GRIN2A: variants seen among roughly 807,000 people sequenced by gnomAD.
GRIN2A encodes the protein glutamate receptor ionotropic, NMDA 2A.
GRIN2A carries 22 observed loss-of-function variants against 113.4 expected under a neutral mutation model. The ratio of observed to expected loss-of-function variants is 0.19; its 90% confidence interval spans 0.14 to 0.28. GRIN2A has a LOEUF of 0.28. Ranked by LOEUF, GRIN2A falls within the 10% of genes least tolerant of loss-of-function variation. GRIN2A has a pLI of 1.00. For missense variants in GRIN2A, 1,502 were observed against 1,887.0 expected, an observed-to-expected ratio of 0.80 and a Z score of 3.78; for synonymous variants, 827 against 738.4, an observed-to-expected ratio of 1.12 and a Z score of -1.94.
At chr16:9,810,313 T>C (rs1014705294) in intron 10 of GRIN2A, among the ~76,000 whole-genome samples, 1 of 152,156 alleles carries the variant, frequency 6.6e-6, no homozygotes, top group Admixed American at 6.5e-5. Context: ...CCAAGACACC[T>C]GAGGACAGCC....
chr16:10,033,336 C>A (rs1480116270), intron 2 of GRIN2A, among the ~76,000 whole-genome samples: 3 of 152,088 alleles, frequency 2.0e-5, no homozygotes, highest in African/African-American at 4.8e-5. Context: ...ACTCAGGATA[C>A]CAAGGTAAAC....
At chr16:9,933,584 A>C (rs1321373574) in intron 3 of GRIN2A, among the ~76,000 whole-genome samples, 1 of 152,212 alleles carries the variant, frequency 6.6e-6, no homozygotes, top group Non-Finnish European at 1.5e-5. Flanking sequence ...GTAAGACCTT[A>C]ATCCAGCTGC....
intron 4 of GRIN2A, among the ~76,000 whole-genome samples, chr16:9,865,322 A>G (rs2043144324): frequency 6.6e-6 from 1 of 152,136 alleles, no homozygotes; most frequent in South Asian, 2.1e-4. Flanking sequence ...ACCCAAACCA[A>G]TTATCCCCAT....
chr16:9,804,775 C>T (rs915105820), intron 10 of GRIN2A, among the ~76,000 whole-genome samples: 1 of 152,180 alleles, frequency 6.6e-6, no homozygotes, highest in African/African-American at 2.4e-5. Context: ...ACATGACAGG[C>T]TCACCCCCTG....
At chr16:10,108,269 G>C (rs1009729825) in intron 2 of GRIN2A, among the ~76,000 whole-genome samples, 2 of 152,216 alleles carry the variant, frequency 1.3e-5, no homozygotes, top group Non-Finnish European at 2.9e-5. Flanking sequence ...CAGAGAGCTT[G>C]TGCAGGAGAA....
chr16:9,835,011 C>T (rs2042562847), intron 7 of GRIN2A, among the ~76,000 whole-genome samples: 1 of 152,066 alleles, frequency 6.6e-6, no homozygotes, highest in African/African-American at 2.4e-5. Flanking sequence ...AGATGATATG[C>T]AGGGAATTCC....
intron 2 of GRIN2A, among the ~76,000 whole-genome samples, chr16:10,092,438 G>A (rs56996739): frequency 6.6e-6 from 1 of 152,134 alleles, no homozygotes; most frequent in Admixed American, 6.5e-5. Flanking sequence ...AGAGGTCTGA[G>A]GGTGCAGTGG....
intron 7 of GRIN2A, among the ~76,000 whole-genome samples, chr16:9,838,312 A>G (rs2141335432): frequency 6.6e-6 from 1 of 152,328 alleles, no homozygotes; most frequent in African/African-American, 2.4e-5. Context: ...ACCCAAAGGA[A>G]AAGAAGTTAT....
intron 2 of GRIN2A, among the ~76,000 whole-genome samples, chr16:10,020,381 A>G (rs190657756): frequency 2.0e-5 from 3 of 152,296 alleles, no homozygotes; most frequent in Admixed American, 6.5e-5. Flanking sequence ...CCTAACCTAC[A>G]TTATTTTTCC....
intron 4 of GRIN2A, among the ~76,000 whole-genome samples, chr16:9,864,550 A>C (rs1161330834): frequency 1.3e-5 from 2 of 152,194 alleles, no homozygotes; most frequent in East Asian, 3.8e-4. Flanking sequence ...ACGAGACTTC[A>C]ATGCATCAAA....
rs147303222 is a variant in GRIN2A at position 10,003,639 on chromosome 16, C to T, written c.415-65088G>A. Among the ~76,000 whole-genome samples, 17 of 152,262 alleles carry T rather than the reference C, an allele frequency of 1.1e-4. 1 individual carries two copies. The South Asian group carries it at 1.2e-3, about 11-fold the overall frequency. ...TTAGCAATGAGACTCCCACTTTATA[C>T]GAATGACATGAGAATGAGTAAAACC... On this transcript the variant is annotated intron_variant, in intron 2 of 12. Transcript: ENST00000330684.
intron 4 of GRIN2A, 139 bp from the exon 5 acceptor site, chr16:9,850,100 G>C: frequency 1.3e-6 from 1 of 752,012 alleles, no homozygotes; most frequent in South Asian, 1.5e-5. Flanking sequence ...ATCTACTTCT[G>C]TGCTAAGACA....
intron 2 of GRIN2A, among the ~76,000 whole-genome samples, chr16:10,120,957 T>C (rs1162655321): frequency 6.6e-6 from 1 of 152,114 alleles, no homozygotes; most frequent in African/African-American, 2.4e-5. Context: ...TTTCAGCCCC[T>C]GTATCCACGA....
chr16:10,072,429 C>G (rs2047772361), intron 2 of GRIN2A, among the ~76,000 whole-genome samples: 1 of 152,222 alleles, frequency 6.6e-6, no homozygotes, highest in Non-Finnish European at 1.5e-5. Context: ...GCTTTGGCTG[C>G]AATTTGGAAG....
intron 2 of GRIN2A, among the ~76,000 whole-genome samples, chr16:10,137,402 T>A (rs973316480): frequency 2.0e-5 from 3 of 152,180 alleles, no homozygotes; most frequent in Admixed American, 1.3e-4. Flanking sequence ...GGTGTTCCTA[T>A]TTTCTCCATC....
At chr16:10,173,614 A>G (rs190824263) in intron 2 of GRIN2A, among the ~76,000 whole-genome samples, 90 of 152,374 alleles carry the variant, frequency 5.9e-4, no homozygotes, top group Non-Finnish European at 1.0e-3. Flanking sequence ...CATTCAATCA[A>G]CAAACATTTA....
intron 2 of GRIN2A, among the ~76,000 whole-genome samples, chr16:9,986,764 C>CAA (rs3065539): frequency 5.0e-4 from 56 of 112,024 alleles, no homozygotes; most frequent in African/African-American, 1.4e-3. Context: ...GACGCTGTCT[C>CAA]AAAAAAAAAA....
At chr16:9,953,501 G>A (rs2141679651) in intron 2 of GRIN2A, among the ~76,000 whole-genome samples, 2 of 152,252 alleles carry the variant, frequency 1.3e-5, no homozygotes, top group Middle Eastern at 3.4e-3. Context: ...TCCCTGCAGG[G>A]AGTCCACCAA....
At chr16:10,135,625 A>G (rs2049176586) in intron 2 of GRIN2A, among the ~76,000 whole-genome samples, 1 of 152,224 alleles carries the variant, frequency 6.6e-6, no homozygotes, top group African/African-American at 2.4e-5. Flanking sequence ...GACATATATT[A>G]AGAAATACAT....
Sources: gnomAD v4.1 joint callset for allele counts (sites outside exome capture counted in the v4.1 genomes callset) on GRCh38, gnomAD v4.1.1 for gene constraint, MANE v1.5 for transcripts, NCBI Gene and HGNC (gene_info 2026-07-23, HGNC 2026-07-21) for gene names.